CDHR2: variants seen among roughly 807,000 people sequenced by gnomAD.
The protein encoded by CDHR2 is cadherin-related family member 2.
Under a neutral mutation model 138.6 loss-of-function variants are expected in CDHR2, and 104 were observed. That is an observed-to-expected ratio of 0.75 (90% CI 0.64 to 0.88). The LOEUF is 0.88. CDHR2 is among the 40% of genes least tolerant of loss of function. The pLI is 0.00. For synonymous variants in CDHR2, 755 were observed against 742.8 expected (o/e 1.02, Z -0.27); for missense variants, 1,624 against 1,727.6 (o/e 0.94, Z 1.06).
At chr5:176,561,605 G>A (rs1446943613) in intron 1 of CDHR2, among the ~76,000 whole-genome samples, 1 of 151,682 alleles carries the variant, frequency 6.6e-6, no homozygotes, top group Non-Finnish European at 1.5e-5. Context: ...AGCATTGAGG[G>A]CGTGTCTGGA....
chr5:176,565,073 A>G (rs6892394), intron 1 of CDHR2, among the ~76,000 whole-genome samples: 135,270 of 152,114 alleles, frequency 0.89, 60,471 homozygotes, highest in Non-Finnish European at 0.94. Context: ...ACAGCTGCAC[A>G]TCTAGTGCCT....
chr5:176,585,000 GC>G lies in CDHR2; in HGVS notation c.2721del (p.Tyr908ThrfsTer14), dbSNP rs1166598293. On this transcript the variant is annotated frameshift_variant, in exon 19 of 32. Transcript: ENST00000261944. LOFTEE classifies it high-confidence loss of function. ...CCTAGCCACGGACCCCGGCTTCCAG[GC>G]CTACAGCAACAATGGTAAGGCAGCC... ...CDLATDPGFQ[A>X]YSNNGSLLIT... 6.5e-7 allele frequency: 1 copy of G among 1,545,350 alleles called. No homozygotes were observed. The highest frequency in any genetic ancestry group is 1.4e-5 in the African/African-American group (1 of 72,966).
At chr5:176,580,126 G>GCACACACTCACA (rs1318438287) in intron 16 of CDHR2, among the ~76,000 whole-genome samples, 8 of 110,842 alleles carry the variant, frequency 7.2e-5, no homozygotes, top group Admixed American at 2.6e-4. Flanking sequence ...ACACACTCAC[G>GCACACACTCACA]CACGCACTCA....
rs563593898 is a variant in CDHR2, at chr5:176,592,350, G to A, written c.3735-373G>A. ...GTGTTGAGGTGATGGTGGTGATGGT[G>A]ATGGTAGTGATGGTGATGGTGGTGG... is the stretch of plus-strand genomic sequence containing the variant. On this transcript the variant is annotated intron_variant, in intron 30 of 31. Transcript: ENST00000261944. Among the ~76,000 whole-genome samples, 752 of 149,438 alleles carry A rather than the reference G, an allele frequency of 5.0e-3. 3 individuals are homozygous for A. The highest frequency in any genetic ancestry group is 0.014 in the South Asian group (65 of 4,614).
chr5:176,592,135 GTGATGA>G (rs1027903161), intron 30 of CDHR2, among the ~76,000 whole-genome samples: 2 of 128,882 alleles, frequency 1.6e-5, no homozygotes, highest in Non-Finnish European at 3.4e-5. Context: ...GGTGATGGTG[GTGATGA>G]TGGTGATGAT....
intron 5 of CDHR2, among the ~76,000 whole-genome samples, chr5:176,569,783 AC>A (rs529416119): frequency 6.6e-6 from 1 of 150,698 alleles, no homozygotes; most frequent in Non-Finnish European, 1.5e-5. Context: ...ACATGGAGAA[AC>A]CCCCATCTCT....
At position 176,590,706 on chromosome 5, in the gene CDHR2, C is replaced by T; in HGVS notation, c.3539+19C>T. The T allele has an allele frequency of 6.2e-7, 1 of 1,612,338 alleles. No individual in the cohort carries two copies. ...GGAAGAGGTGCGGCTCCCATTGCCC[C>T]CGTGTCTCCAACCTTCACCCTCTCC... On this transcript the variant is annotated intron_variant, in intron 28 of 31. Transcript: ENST00000261944.
intron 1 of CDHR2, 131 bp from the exon 2 acceptor site, chr5:176,565,207 T>G: frequency 1.5e-6 from 1 of 681,742 alleles, no homozygotes. Flanking sequence ...GGACAGAGGG[T>G]GATAGAGGCC....
chr5:176,594,006 G>A (rs1758953722), intron 31 of CDHR2, among the ~76,000 whole-genome samples: 1 of 152,184 alleles, frequency 6.6e-6, no homozygotes, highest in Admixed American at 6.5e-5. Flanking sequence ...CGAAGGAACA[G>A]TCTTGTCTAC....
At chr5:176,571,105 C>G in intron 5 of CDHR2, 108 bp from the exon 6 acceptor site, 3 of 330,618 alleles carry the variant, frequency 9.1e-6, no homozygotes, top group Non-Finnish European at 1.8e-5. Context: ...AGAGACCAAA[C>G]AGTAGGTTGA....
chr5:176,588,917 G>A (rs945386290), intron 21 of CDHR2, 114 bp from the exon 22 acceptor site: 7 of 1,036,806 alleles, frequency 6.8e-6, no homozygotes, highest in South Asian at 3.0e-5. Flanking sequence ...TGGGGATGGC[G>A]GATAGAGACG....
At chr5:176,568,491 T>C (rs1408855411) in intron 3 of CDHR2, among the ~76,000 whole-genome samples, 187 bp from the exon 4 acceptor site, 1 of 152,194 alleles carries the variant, frequency 6.6e-6, no homozygotes, top group African/African-American at 2.4e-5. Flanking sequence ...CCAGTGCCCA[T>C]CGAGTCAGTG....
intron 24 of CDHR2, 33 bp downstream of exon 24, chr5:176,589,649 G>A (rs1374382696): frequency 6.3e-7 from 1 of 1,590,700 alleles, no homozygotes; most frequent in Non-Finnish European, 8.6e-7. Flanking sequence ...GGAGGGGTAG[G>A]AAGAACAGGG....
At chr5:176,593,470 C>T (rs937562188) in intron 31 of CDHR2, among the ~76,000 whole-genome samples, 8 of 152,202 alleles carry the variant, frequency 5.3e-5, no homozygotes, top group South Asian at 2.1e-4. Flanking sequence ...CGGTGGACAC[C>T]GCTGGAGCGG....
chr5:176,584,436 T>C lies in CDHR2; in HGVS notation c.2155T>C (p.Trp719Arg), dbSNP rs551731213. 1.2e-6 allele frequency: 2 copies of C among 1,600,998 alleles called. No homozygotes were observed. Among genetic ancestry groups the C allele is most frequent in the African/African-American group, 1.3e-5 (1 of 74,916 alleles). The stretch of plus-strand genomic sequence containing the variant: ...AGTGCTAGTGGGCGTGGTGAAGGCC[T>C]GGGACGCGGACCAGACGGAAGCCAA... ...PGVLVGVVKAWDADQTEANNR... is the reference protein window; with the variant it reads ...PGVLVGVVKARDADQTEANNR... The change falls in exon 19 of 32, where the codon TGG (tryptophan) becomes CGG (arginine). Residue 719 changes from tryptophan (W) to arginine (R), a missense_variant. Coordinates refer to ENST00000261944, the MANE Select transcript of CDHR2 (RefSeq NM_017675.6).
Position 176,543,377 on chromosome 5 carries a change from C to G in CDHR2, c.-16+608C>G, listed in dbSNP as rs1197693142. Among the ~76,000 whole-genome samples, 2 of 150,024 alleles carry G rather than the reference C, an allele frequency of 1.3e-5. No homozygotes were observed. Among genetic ancestry groups the G allele is most frequent in the East Asian group, 2.0e-4 (1 of 5,096 alleles). On this transcript the variant is annotated intron_variant, in intron 1 of 31. Coordinates refer to the CDHR2 transcript ENST00000510636. This position sits in a 1 kb window ranked among gnomAD's most constrained non-coding sequence, Gnocchi z 4.0. ...CCGCCTGCCGCGGCCCCTCTCCGGCCCGGTGCAGGGGAACCGTCCGCGGAC... is the reference window on the plus strand; with the variant it reads ...CCGCCTGCCGCGGCCCCTCTCCGGCGCGGTGCAGGGGAACCGTCCGCGGAC...
chr5:176,546,881 G>A (rs1315505284), upstream of CDHR2, among the ~76,000 whole-genome samples: 2 of 151,610 alleles, frequency 1.3e-5, no homozygotes, highest in Non-Finnish European at 2.9e-5. Flanking sequence ...CCTTTCCTCA[G>A]AAACACTTCT....
chr5:176,588,593 AT>A, intron 21 of CDHR2, among the ~76,000 whole-genome samples: 1 of 113,316 alleles, frequency 8.8e-6, no homozygotes, highest in Admixed American at 8.4e-5. Context: ...GAGGGTGTGT[AT>A]GAGTGTGTGT....
intron 6 of CDHR2, 134 bp downstream of exon 6, chr5:176,571,436 C>T (rs1270318302): frequency 1.9e-6 from 1 of 536,786 alleles, no homozygotes; most frequent in African/African-American, 2.0e-5. Flanking sequence ...GCTTCAAGAA[C>T]CAAAGCCAGG....
Sources: allele counts gnomAD v4.1 joint callset (sites outside exome capture counted in the v4.1 genomes callset), GRCh38; gene constraint gnomAD v4.1.1; non-coding constraint Gnocchi (gnomAD v3.1); transcripts MANE v1.5; gene names NCBI Gene and HGNC (gene_info 2026-07-23, HGNC 2026-07-21).